Variants in TMC1 observed in about 807,000 individuals in gnomAD.
TMC1 encodes transmembrane channel like 1.
TMC1 carries 84 observed loss-of-function variants against 105.8 expected under a neutral mutation model. That is an observed-to-expected ratio of 0.79 (90% CI 0.67 to 0.95). The LOEUF (loss-of-function observed/expected upper bound fraction) is 0.95, where lower values mean the gene tolerates loss of function less well. TMC1 is among the 40% of genes least tolerant of loss of function. TMC1 has a pLI of 0.00. For missense variants in TMC1, 817 were observed against 914.1 expected, an observed-to-expected ratio of 0.89 and a Z score of 1.37; for synonymous variants, 315 against 311.5, an observed-to-expected ratio of 1.01 and a Z score of -0.12.
chr9:72,765,827 A>C (rs1827823088), intron 12 of TMC1, among the ~76,000 whole-genome samples: 2 of 152,208 alleles, frequency 1.3e-5, no homozygotes, highest in African/African-American at 4.8e-5. Flanking sequence ...GAGATGTGTA[A>C]TGGCATTGGG....
chr9:72,760,935 A>C (rs934481209), intron 12 of TMC1, among the ~76,000 whole-genome samples: 2 of 152,166 alleles, frequency 1.3e-5, no homozygotes, highest in African/African-American at 4.8e-5. Flanking sequence ...CAACTCATCC[A>C]AATTCTCTTC....
At chr9:72,746,202 A>G (rs1402829705) in intron 10 of TMC1, among the ~76,000 whole-genome samples, 1 of 152,176 alleles carries the variant, frequency 6.6e-6, no homozygotes, top group Non-Finnish European at 1.5e-5. Context: ...GTTCAGAAGT[A>G]TCATTGTATT....
At chr9:72,682,840 G>A (rs925417878) in intron 5 of TMC1, among the ~76,000 whole-genome samples, 7 of 152,168 alleles carry the variant, frequency 4.6e-5, no homozygotes, top group Admixed American at 3.9e-4. Context: ...TGTACAGAAA[G>A]CATGGCTGCT....
chr9:72,530,858 T>C (rs2132057297), intron 1 of TMC1, among the ~76,000 whole-genome samples: 1 of 150,476 alleles, frequency 6.6e-6, no homozygotes, highest in South Asian at 2.1e-4. Context: ...TCTTACTCTG[T>C]CACCCAGGCT....
At chr9:72,648,401 A>G (rs559192002) in intron 4 of TMC1, among the ~76,000 whole-genome samples, 196 bp from the exon 5 acceptor site, 62 of 152,286 alleles carry the variant, frequency 4.1e-4, no homozygotes, top group African/African-American at 1.4e-3. Flanking sequence ...ATGAACCCCA[A>G]ATTCAACCCC....
Position 72,791,920 on chromosome 9 carries a change from G to A in TMC1, c.1259G>A (p.Cys420Tyr), listed in dbSNP as rs1564556995. 2.5e-6 allele frequency: 4 copies of A among 1,613,410 alleles called. No homozygotes were observed. In the South Asian group the frequency reaches 4.4e-5, roughly 18 times the overall value. Reference sequence around the variant, plus strand: ...GTTATGTCCCTCCTAGGGATGTTCTGTCCAACATTGTTTGACTTATTTGCT... The same window carrying A: ...GTTATGTCCCTCCTAGGGATGTTCTATCCAACATTGTTTGACTTATTTGCT... The part of the protein sequence containing the change: ...NMVMSLLGMF[C>Y]PTLFDLFAEL... The change falls in exon 16 of 24, where the codon TGT becomes TAT. Residue 420 changes from cysteine to tyrosine, a missense_variant. By Grantham distance (194) the Cys-to-Tyr change is radical. Transcript: ENST00000297784.
At chr9:72,624,317 G>T (rs1209204962) in intron 3 of TMC1, among the ~76,000 whole-genome samples, 2 of 152,156 alleles carry the variant, frequency 1.3e-5, no homozygotes, top group African/African-American at 4.8e-5. Context: ...CTGAGCACAT[G>T]GTTGTTGAGA....
At chr9:72,534,741 C>T (rs1284619808) in intron 1 of TMC1, among the ~76,000 whole-genome samples, 1 of 151,998 alleles carries the variant, frequency 6.6e-6, no homozygotes, top group African/African-American at 2.4e-5. Flanking sequence ...ACTGAAATCA[C>T]AAGATTATAA....
intron 1 of TMC1, among the ~76,000 whole-genome samples, chr9:72,571,560 C>T (rs1359435594): frequency 6.6e-6 from 1 of 151,260 alleles, no homozygotes; most frequent in Admixed American, 6.6e-5. Context: ...GATTCTCCTG[C>T]CTCAGCCTCC....
chr9:72,770,716 A>G (rs1416727016), intron 12 of TMC1, among the ~76,000 whole-genome samples: 1 of 152,130 alleles, frequency 6.6e-6, no homozygotes, highest in African/African-American at 2.4e-5. Flanking sequence ...CAAGCTGGAG[A>G]TCCAGAGAAA....
intron 23 of TMC1, 30 bp from the exon 24 acceptor site, chr9:72,835,921 T>TC (rs1829117739): frequency 2.0e-6 from 3 of 1,524,572 alleles, no homozygotes; most frequent in African/African-American, 2.8e-5. Flanking sequence ...CCTTGTTTTT[T>TC]TTTTTTTTTT....
intron 1 of TMC1, among the ~76,000 whole-genome samples, chr9:72,549,466 T>C (rs532175605): frequency 3.0e-4 from 45 of 151,912 alleles, no homozygotes; most frequent in African/African-American, 1.1e-3. Context: ...TTTTTGAGAC[T>C]GAGTCTCACT....
intron 2 of TMC1, among the ~76,000 whole-genome samples, chr9:72,589,175 C>T (rs1824597579): frequency 6.6e-6 from 1 of 152,180 alleles, no homozygotes; most frequent in Admixed American, 6.5e-5. Context: ...TGAATAAATT[C>T]TCCTAGCTGG....
intron 8 of TMC1, among the ~76,000 whole-genome samples, chr9:72,708,697 A>G (rs1041059058): frequency 6.6e-6 from 1 of 152,094 alleles, no homozygotes; most frequent in Non-Finnish European, 1.5e-5. Flanking sequence ...TGGGTATATG[A>G]TCACATCATC....
chr9:72,628,510 G>A (rs1244452803), intron 4 of TMC1, among the ~76,000 whole-genome samples: 2 of 152,148 alleles, frequency 1.3e-5, no homozygotes, highest in Non-Finnish European at 2.9e-5. Context: ...CATGTGTGTG[G>A]GCACACCCTT....
At chr9:72,681,461 T>C (rs1470666268) in intron 5 of TMC1, among the ~76,000 whole-genome samples, 1 of 152,132 alleles carries the variant, frequency 6.6e-6, no homozygotes. Flanking sequence ...TTCTGTAGAC[T>C]GATGGTGTCG....
chr9:72,821,201 A>T, intron 20 of TMC1, 120 bp downstream of exon 20: 1 of 1,489,624 alleles, frequency 6.7e-7, no homozygotes. Flanking sequence ...GGTTGGTGGA[A>T]ATGAGATCCC....
chr9:72,589,916 A>G (rs535608290), intron 2 of TMC1, among the ~76,000 whole-genome samples: 1 of 152,334 alleles, frequency 6.6e-6, no homozygotes, highest in South Asian at 2.1e-4. Flanking sequence ...AGCTGGTGCA[A>G]GTTGAGGGAC....
chr9:72,741,239 A>G lies in TMC1; in HGVS notation c.453+1030A>G, dbSNP rs866114855. The G allele has an allele frequency of 4.4e-5, 8 of 183,522 alleles. 1 individual carries two copies. The highest frequency in any genetic ancestry group is 3.2e-4 in the South Asian group (2 of 6,324). 11.4% of individuals were successfully genotyped at this position (183,522 alleles called of 1,614,324 possible). A position where few individuals can be genotyped will look rare whatever the true frequency, so the allele number is the denominator to read the frequency against. On this transcript the variant is annotated intron_variant, in intron 9 of 23. Coordinates refer to ENST00000297784, the MANE Select transcript of TMC1 (RefSeq NM_138691.3). Reference sequence around the variant, plus strand: ...AATGGCTGGCCACAAAATCTCCAGCAATACATTAATCTGAAGGGCATTCTT... The same window carrying G: ...AATGGCTGGCCACAAAATCTCCAGCGATACATTAATCTGAAGGGCATTCTT...
Sources: allele counts gnomAD v4.1 joint callset (sites outside exome capture counted in the v4.1 genomes callset), GRCh38; gene constraint gnomAD v4.1.1; transcripts MANE v1.5; gene names NCBI Gene and HGNC (gene_info 2026-07-23, HGNC 2026-07-21).